SEC31A: variants seen among roughly 807,000 people sequenced by gnomAD.
SEC31A encodes the protein SEC31 homolog A, COPII component, also known as protein transport protein Sec31A.
A neutral mutation model predicts 151.0 loss-of-function variants in SEC31A; 70 were observed. The ratio of observed to expected loss-of-function variants is 0.46; its 90% CI spans 0.38 to 0.57. The LOEUF is 0.57. Ranked by LOEUF, SEC31A falls within the 20% of genes least tolerant of loss-of-function variation. The pLI is 0.00. For synonymous variants in SEC31A, 475 were observed against 505.9 expected (o/e 0.94, Z 0.82); for missense variants, 1,330 against 1,471.2 (o/e 0.90, Z 1.57).
intron 1 of SEC31A, among the ~76,000 whole-genome samples, chr4:82,883,609 G>A (rs966355098): frequency 6.6e-6 from 1 of 152,100 alleles, no homozygotes; most frequent in Non-Finnish European, 1.5e-5. Context: ...CAAGTGGATT[G>A]CTTGAGCCCA....
At chr4:82,881,037 T>C (rs1739170036) in intron 2 of SEC31A, 115 bp from the exon 3 acceptor site, 1 of 835,018 alleles carries the variant, frequency 1.2e-6, no homozygotes, top group South Asian at 1.7e-5. Flanking sequence ...ATGCTGCACA[T>C]ATGCCATTGA....
Position 82,881,951 on chromosome 4 carries a change from T to A in SEC31A, c.-4-11A>T. ...TTTAACTTCATCCTGCTAAAGGGAA[T>A]ATTTTATACAGAAACAGCCTTGAAT... On this transcript the variant is annotated splice_polypyrimidine_tract_variant and intron_variant, in intron 1 of 26. Transcript: ENST00000395310. 3 of 1,607,038 alleles carry A rather than the reference T, an allele frequency of 1.9e-6. No homozygotes were observed. Among genetic ancestry groups the A allele is most frequent in the Non-Finnish European group, 2.6e-6 (3 of 1,173,582 alleles).
chr4:82,857,761 T>C lies in SEC31A; in HGVS notation c.1630A>G (p.Ile544Val). ...AAEEQLLGEHIKEEKEESEFL... is the reference protein window; with the variant it reads ...AAEEQLLGEHVKEEKEESEFL... ...TCAGATTCTTCTTTTTCCTCTTTAA[T>C]GTGCTAAAGAGATGAAAAAAGCAAC... The change falls in exon 15 of 27, where the codon ATT (isoleucine) becomes GTT (valine). Residue 544 changes from isoleucine to valine, a missense_variant. Coordinates refer to ENST00000395310, the MANE Select transcript of SEC31A (RefSeq NM_001077207.4). 4 of 1,585,014 alleles carry C rather than the reference T, an allele frequency of 2.5e-6. No homozygotes were observed. Among genetic ancestry groups the C allele is most frequent in the Non-Finnish European group, 1.7e-6 (2 of 1,156,050 alleles).
chr4:82,896,670 T>C lies in SEC31A; in HGVS notation c.-2+3043A>G, dbSNP rs1452039810. On this transcript the variant is annotated intron_variant, in intron 3 of 28. Transcript: ENST00000355196. ...GCTACTTAGAGAAGCTAATTGGAAC[T>C]AGAGTATGGCTAGAAATTAGGTATT... is the stretch of plus-strand genomic sequence containing the variant. Among the ~76,000 whole-genome samples the C allele has an allele frequency of 2.0e-5, 3 of 152,178 alleles. No individual in the cohort carries two copies. The East Asian group carries it at 5.8e-4, about 29-fold the overall frequency.
At chr4:82,855,224 A>G (rs1732368229) in intron 16 of SEC31A, among the ~76,000 whole-genome samples, 195 bp from the exon 17 acceptor site, 2 of 152,246 alleles carry the variant, frequency 1.3e-5, no homozygotes, top group Non-Finnish European at 2.9e-5. Context: ...AACTGACAAC[A>G]TATTTCATAA....
At chr4:82,841,438 A>ATT (rs1403809151) in intron 22 of SEC31A, among the ~76,000 whole-genome samples, 10 of 66,076 alleles carry the variant, frequency 1.5e-4, no homozygotes, top group African/African-American at 5.9e-4. Flanking sequence ...AGAAAAAAAA[A>ATT]ATTTTATATA....
chr4:82,857,588 G>T, intron 15 of SEC31A, 101 bp downstream of exon 15: 1 of 765,342 alleles, frequency 1.3e-6, no homozygotes, highest in Non-Finnish European at 2.2e-6. Context: ...CTATAAGCAT[G>T]CACCACAGCA....
chr4:82,871,329 C>T, intron 7 of SEC31A: 1 of 1,508,880 alleles, frequency 6.6e-7, no homozygotes, highest in Non-Finnish European at 8.9e-7. Flanking sequence ...CACACACACA[C>T]ACACACACAA....
chr4:82,837,321 T>C (rs543836493), intron 22 of SEC31A, among the ~76,000 whole-genome samples: 20 of 151,608 alleles, frequency 1.3e-4, no homozygotes, highest in African/African-American at 4.6e-4. Flanking sequence ...AGTAGAATTA[T>C]AGGTAATTTT....
chr4:82,886,159 T>C (rs1014599714), intron 1 of SEC31A, among the ~76,000 whole-genome samples: 1 of 152,164 alleles, frequency 6.6e-6, no homozygotes, highest in Middle Eastern at 3.2e-3. Flanking sequence ...GAAGAAACAA[T>C]AACAAAGCAA....
chr4:82,865,577 T>C (rs1578298668), intron 10 of SEC31A, among the ~76,000 whole-genome samples: 1 of 85,570 alleles, frequency 1.2e-5, no homozygotes, highest in East Asian at 2.8e-4. Context: ...TATATATATA[T>C]ATATATACAA....
chr4:82,832,735 A>T (rs1372306388), intron 22 of SEC31A, among the ~76,000 whole-genome samples: 2 of 152,180 alleles, frequency 1.3e-5, no homozygotes, highest in South Asian at 2.1e-4. Flanking sequence ...CCATCAAAAA[A>T]TGGGCAAATG....
rs370231514 is a variant in SEC31A, at chr4:82,855,161, T to C, written c.1882-132A>G. The C allele has an allele frequency of 4.9e-4, 356 of 720,488 alleles. 3 individuals carry two copies. The African/African-American group carries it at 5.7e-3, about 12-fold the overall frequency. 44.6% of individuals were successfully genotyped at this position (720,488 alleles called of 1,614,324 possible). A position where few individuals can be genotyped will look rare whatever the true frequency, so the allele number is the denominator to read the frequency against. On this transcript the variant is annotated intron_variant, in intron 16 of 26. Transcript: ENST00000395310. ...AAATGAAGTATAATTTTGAATCAAATGACATAATAATGGTATTATTGTTCC... is the reference window on the plus strand; with the variant it reads ...AAATGAAGTATAATTTTGAATCAAACGACATAATAATGGTATTATTGTTCC...
At chr4:82,831,255 C>G (rs1326182174) in intron 22 of SEC31A, 1 of 160,234 alleles carries the variant, frequency 6.2e-6, no homozygotes, top group Non-Finnish European at 1.4e-5. Flanking sequence ...AAAATTTTAT[C>G]CCTTCATATT....
At chr4:82,856,578 C>T (rs1352509782) in intron 16 of SEC31A, among the ~76,000 whole-genome samples, 6 of 151,674 alleles carry the variant, frequency 4.0e-5, no homozygotes, top group Non-Finnish European at 7.4e-5. Flanking sequence ...TGGTGAAACC[C>T]CATCTCTACT....
At chr4:82,895,546 T>C (rs1720028644), upstream of SEC31A, 1 of 152,244 alleles carries the variant, frequency 6.6e-6, no homozygotes, top group Non-Finnish European at 1.5e-5. Context: ...GAAATAATAC[T>C]TATCTTTAAA....
intron 20 of SEC31A, among the ~76,000 whole-genome samples, chr4:82,846,721 GTTTGT>G (rs750876010): frequency 1.8e-3 from 261 of 141,326 alleles, no homozygotes; most frequent in Non-Finnish European, 3.0e-3. Flanking sequence ...TTTTTTGTTT[GTTTGT>G]TTTGAGACAG....
chr4:82,893,801 C>A (rs1190264866), upstream of SEC31A: 1 of 152,156 alleles, frequency 6.6e-6, no homozygotes, highest in Non-Finnish European at 1.5e-5. Context: ...ATTCAAGACA[C>A]TTTTGTAAGT....
chr4:82,854,135 G>A (rs1732055682), intron 17 of SEC31A, among the ~76,000 whole-genome samples: 2 of 152,200 alleles, frequency 1.3e-5, no homozygotes, highest in East Asian at 1.9e-4. Context: ...AGGCTGAGAC[G>A]GGCAGATCAG....
Sources: allele counts gnomAD v4.1 joint callset (sites outside exome capture counted in the v4.1 genomes callset), GRCh38; gene constraint gnomAD v4.1.1; transcripts MANE v1.5; gene names NCBI Gene and HGNC (gene_info 2026-07-23, HGNC 2026-07-21).